Variants in SPATA13 observed in about 807,000 individuals in gnomAD.
SPATA13 encodes the protein spermatogenesis-associated protein 13.
A neutral mutation model predicts 104.0 loss-of-function variants in SPATA13; 50 were observed. The observed-to-expected ratio is 0.48, with a 90% CI of 0.38 to 0.61. The LOEUF (loss-of-function observed/expected upper bound fraction) is 0.61. SPATA13 is among the 20% of genes least tolerant of loss of function. The pLI, the probability that SPATA13 is intolerant of heterozygous loss-of-function variation, is 0.00. For synonymous variants in SPATA13, 606 were observed against 667.5 expected (o/e 0.91, Z 1.42); for missense variants, 1,524 against 1,690.6 (o/e 0.90, Z 1.73).
At chr13:24,204,416 T>A (rs1442323863) in intron 1 of SPATA13, among the ~76,000 whole-genome samples, 3 of 152,204 alleles carry the variant, frequency 2.0e-5, no homozygotes, top group Non-Finnish European at 4.4e-5. Context: ...AGAGCTTTTT[T>A]TTTAAATTTT....
intron 2 of SPATA13, among the ~76,000 whole-genome samples, chr13:24,003,822 C>T (rs994635755): frequency 3.3e-5 from 5 of 152,154 alleles, no homozygotes; most frequent in Middle Eastern, 3.2e-3. Flanking sequence ...CTTGATTTGA[C>T]TCACATATTT....
chr13:24,098,048 T>G (rs141795462), intron 3 of SPATA13, among the ~76,000 whole-genome samples: 1 of 151,996 alleles, frequency 6.6e-6, no homozygotes, highest in Non-Finnish European at 1.5e-5. Flanking sequence ...TTATTTCACA[T>G]GAAAATGGCC....
chr13:24,023,793 T>G (rs1254250729), intron 3 of SPATA13, among the ~76,000 whole-genome samples: 4 of 152,138 alleles, frequency 2.6e-5, no homozygotes, highest in African/African-American at 9.7e-5. Flanking sequence ...CTGAGAAGCC[T>G]CCAGAAGAGA....
intron 3 of SPATA13, among the ~76,000 whole-genome samples, chr13:24,107,021 G>A (rs1021142678): frequency 6.6e-6 from 1 of 150,564 alleles, no homozygotes; most frequent in Non-Finnish European, 1.5e-5. Flanking sequence ...GGAACCTTCA[G>A]ATTAAGTACA....
intron 3 of SPATA13, among the ~76,000 whole-genome samples, chr13:24,153,686 A>G (rs1221650512): frequency 6.6e-6 from 1 of 151,970 alleles, no homozygotes; most frequent in South Asian, 2.1e-4. Flanking sequence ...CTGAAGCCAT[A>G]TGTATGAAGA....
intron 1 of SPATA13, among the ~76,000 whole-genome samples, chr13:24,209,985 T>C (rs1366168095): frequency 1.3e-5 from 2 of 152,186 alleles, no homozygotes; most frequent in East Asian, 3.8e-4. Context: ...GGTATCTCAC[T>C]GTGAGTTTGA....
chr13:24,022,841 T>C (rs1167996106), intron 3 of SPATA13, among the ~76,000 whole-genome samples: 2 of 152,128 alleles, frequency 1.3e-5, no homozygotes, highest in African/African-American at 4.8e-5. Context: ...CAGGCTCTTG[T>C]AGAAAAAGAA....
chr13:24,217,880 C>G (rs1463787137), intron 1 of SPATA13, among the ~76,000 whole-genome samples: 1 of 152,138 alleles, frequency 6.6e-6, no homozygotes, highest in African/African-American at 2.4e-5. Context: ...TTCCCCCAAC[C>G]CTCAAGTCAC....
chr13:24,132,017 A>G (rs1300384192), intron 3 of SPATA13, among the ~76,000 whole-genome samples: 1 of 152,214 alleles, frequency 6.6e-6, no homozygotes, highest in African/African-American at 2.4e-5. Flanking sequence ...AGGTCAGCCA[A>G]TGAGATGCGC....
intron 4 of SPATA13, chr13:24,278,603 T>G: frequency 2.1e-6 from 3 of 1,438,172 alleles, no homozygotes; most frequent in Middle Eastern, 2.5e-4. Context: ...ATACTGTTTT[T>G]CAATTTACAG....
At chr13:24,213,594 A>G (rs753788492) in intron 1 of SPATA13, among the ~76,000 whole-genome samples, 1 of 152,172 alleles carries the variant, frequency 6.6e-6, no homozygotes, top group Admixed American at 6.5e-5. Context: ...AAAGAGGACA[A>G]CACCCTTCTC....
chr13:24,217,459 C>T (rs904896291), intron 1 of SPATA13, among the ~76,000 whole-genome samples: 1 of 152,206 alleles, frequency 6.6e-6, no homozygotes, highest in African/African-American at 2.4e-5. Context: ...GCAGCCCCTT[C>T]AGCCAGTCAT....
chr13:24,055,336 C>G (rs1456179202), intron 3 of SPATA13, among the ~76,000 whole-genome samples: 2 of 152,186 alleles, frequency 1.3e-5, no homozygotes, highest in African/African-American at 4.8e-5. Context: ...ATCCCAGATG[C>G]AATCAGCATG....
intron 1 of SPATA13, among the ~76,000 whole-genome samples, chr13:24,221,774 C>T (rs528909006): frequency 1.3e-5 from 2 of 150,474 alleles, no homozygotes; most frequent in East Asian, 2.0e-4. Context: ...AAAAAGATGC[C>T]GAATTTGTTT....
intron 3 of SPATA13, among the ~76,000 whole-genome samples, chr13:24,127,739 A>G (rs750066653): frequency 6.6e-6 from 1 of 152,272 alleles, no homozygotes; most frequent in African/African-American, 2.4e-5. Flanking sequence ...AGGTTCTGAA[A>G]AAAAGCAAAA....
rs1221059490 is a variant in SPATA13, at chr13:24,223,857, A to C, written c.928A>C (p.Ser310Arg). ...GTCAGGAAGGACCAAACGCTGGAGG[A>C]GCCCGATAAGGGCCAAGGACTTTGA... ...LGSGRTKRWRSPIRAKDFDRV... is the reference protein window; with the variant it reads ...LGSGRTKRWRRPIRAKDFDRV... The change falls in exon 2 of 13, where the codon AGC becomes CGC. Residue 310 changes from serine (S) to arginine (R), a missense_variant. Around this residue, in one of 2 missense-constraint regions of SPATA13, gnomAD observed 1,089 missense variants for 1,135.9 expected, o/e 0.96. Transcript: ENST00000382108. 1 of 1,551,694 alleles carries C rather than the reference A, an allele frequency of 6.4e-7. No homozygotes were observed. The highest frequency in any genetic ancestry group is 8.7e-7 in the Non-Finnish European group (1 of 1,147,000).
chr13:24,122,405 C>A (rs1332324531), intron 3 of SPATA13: 2 of 1,582,288 alleles, frequency 1.3e-6, no homozygotes, highest in Admixed American at 1.7e-5. Flanking sequence ...CCTTCCAGAG[C>A]AGTCTCTTCC....
At chr13:24,106,343 A>G (rs1880451950) in intron 3 of SPATA13, among the ~76,000 whole-genome samples, 1 of 152,202 alleles carries the variant, frequency 6.6e-6, no homozygotes, top group Non-Finnish European at 1.5e-5. Context: ...TAAGATTTCT[A>G]ATTAAAAGAA....
At chr13:24,220,973 T>C (rs891813410) in intron 1 of SPATA13, among the ~76,000 whole-genome samples, 2 of 152,244 alleles carry the variant, frequency 1.3e-5, no homozygotes, top group Non-Finnish European at 2.9e-5. Context: ...TTAAAAAATG[T>C]CCTCCTCTTG....
Sources: gnomAD v4.1 joint callset for allele counts (sites outside exome capture counted in the v4.1 genomes callset) on GRCh38, gnomAD v4.1.1 for gene constraint, gnomAD v4.1.1 regional missense constraint, MANE v1.5 for transcripts, NCBI Gene and HGNC (gene_info 2026-07-23, HGNC 2026-07-21) for gene names.